SVEP1: variants seen among roughly 807,000 people sequenced by gnomAD.
SVEP1 encodes sushi, von Willebrand factor type A, EGF and pentraxin domain containing 1, also known as sushi, von Willebrand factor type A, EGF and pentraxin domain-containing protein 1.
In SVEP1, 164 loss-of-function variants were observed where a neutral mutation model predicts 367.3. That is an observed-to-expected ratio of 0.45 (90% confidence interval 0.39 to 0.51). SVEP1 has a LOEUF of 0.51. Among genes scored for constraint, SVEP1 ranks in the 20% least tolerant of loss-of-function variants. The probability of loss-of-function intolerance (pLI) is 0.00; values close to 1 mark genes in which losing one functional copy is unlikely to be tolerated. For missense variants in SVEP1, 4,117 were observed against 4,425.3 expected (o/e 0.93, Z 1.98); for synonymous variants, 1,666 against 1,611.6 (o/e 1.03, Z -0.81).
At chr9:110,484,646 G>A (rs1829248788) in intron 9 of SVEP1, among the ~76,000 whole-genome samples, 1 of 152,096 alleles carries the variant, frequency 6.6e-6, no homozygotes, top group Non-Finnish European at 1.5e-5. Flanking sequence ...TATTATCAGA[G>A]TGAACAGACA....
chr9:110,479,684 T>A lies in SVEP1; in HGVS notation c.2438A>T (p.Asp813Val). ...TGCTTCAGAAAACTTCTTCATCAGA[T>A]CTGTGTCATCACAACGAGCTGCTTT... ...FYKAARCDDTDLMKKFSEAFE... is the reference protein window; with the variant it reads ...FYKAARCDDTVLMKKFSEAFE... The change falls in exon 13 of 48, where the codon GAT becomes GTT. Residue 813 changes from aspartate (D) to valine (V), a missense_variant. Asp to Val is a radical substitution (Grantham distance 152). Coordinates refer to ENST00000374469, the MANE Select transcript of SVEP1 (RefSeq NM_153366.4). The A allele has an allele frequency of 1.2e-6, 2 of 1,611,324 alleles. No individual in the cohort carries two copies. The highest frequency in any genetic ancestry group is 1.7e-6 in the Non-Finnish European group (2 of 1,179,050).
chr9:110,402,524 C>CA (rs1827879882), intron 39 of SVEP1, among the ~76,000 whole-genome samples: 4 of 150,664 alleles, frequency 2.7e-5, no homozygotes. Flanking sequence ...CCCAGTTGAG[C>CA]AAAAAAGGGG....
chr9:110,512,105 T>A (rs1390163352), intron 5 of SVEP1, among the ~76,000 whole-genome samples: 1 of 152,170 alleles, frequency 6.6e-6, no homozygotes, highest in East Asian at 1.9e-4. Context: ...ATATTATTTA[T>A]CAAAAATTCA....
chr9:110,432,399 G>T (rs1828363951), intron 31 of SVEP1, 63 bp downstream of exon 31: 2 of 1,526,116 alleles, frequency 1.3e-6, no homozygotes, highest in African/African-American at 1.4e-5. Context: ...TCAGGAATTT[G>T]GGATGACTGT....
intron 27 of SVEP1, among the ~76,000 whole-genome samples, chr9:110,441,716 G>T (rs1205344687): frequency 6.6e-6 from 1 of 152,174 alleles, no homozygotes; most frequent in African/African-American, 2.4e-5. Context: ...TTAGAGTTCA[G>T]ATATTAACTC....
intron 7 of SVEP1, among the ~76,000 whole-genome samples, chr9:110,498,646 G>A (rs1425148149): frequency 1.3e-5 from 2 of 152,086 alleles, no homozygotes; most frequent in Non-Finnish European, 1.5e-5. Context: ...GTCTGCTCTT[G>A]TTGCAGAGAA....
At chr9:110,456,319 A>G (rs759068010) in intron 21 of SVEP1, among the ~76,000 whole-genome samples, 3 of 152,222 alleles carry the variant, frequency 2.0e-5, no homozygotes, top group Non-Finnish European at 2.9e-5. Flanking sequence ...AGCCTTCCAG[A>G]TGATTCTGAT....
chr9:110,395,015 C>T (rs886692950), intron 40 of SVEP1, among the ~76,000 whole-genome samples: 1 of 152,168 alleles, frequency 6.6e-6, no homozygotes, highest in East Asian at 1.9e-4. Flanking sequence ...CACAAAGATA[C>T]TCCTTGAGAA....
Position 110,510,346 on chromosome 9 carries a change from A to G in SVEP1, c.1303+2580T>C, listed in dbSNP as rs532985474. Among the ~76,000 whole-genome samples, 3 of 152,330 alleles carry G rather than the reference A, an allele frequency of 2.0e-5. No individual in the cohort carries two copies. In the South Asian group the frequency reaches 6.2e-4, roughly 32 times the overall value. ...TTCCAAGCTCCTTCTAAAATTGTGT[A>G]AGCTCTATTCCCTGAAATAAATCCT... On this transcript the variant is annotated intron_variant, in intron 5 of 47. Coordinates refer to ENST00000374469, the MANE Select transcript of SVEP1 (RefSeq NM_153366.4).
intron 1 of SVEP1, among the ~76,000 whole-genome samples, chr9:110,575,772 G>C (rs1830621037): frequency 6.7e-6 from 1 of 149,080 alleles, no homozygotes; most frequent in Non-Finnish European, 1.5e-5. Context: ...GATTTAAAGA[G>C]CATTTGCAAA....
At chr9:110,515,890 G>A (rs547611722) in intron 3 of SVEP1, among the ~76,000 whole-genome samples, 11 of 151,982 alleles carry the variant, frequency 7.2e-5, no homozygotes, top group African/African-American at 2.7e-4. Flanking sequence ...AATACCTTAT[G>A]AAGCACCTAA....
At chr9:110,482,914 C>G (rs530113889) in intron 10 of SVEP1, among the ~76,000 whole-genome samples, 21 of 152,150 alleles carry the variant, frequency 1.4e-4, no homozygotes, top group African/African-American at 5.1e-4. Context: ...TTGCTTAGCC[C>G]ACTAGTAGAA....
chr9:110,562,654 C>T (rs10980447), intron 1 of SVEP1, among the ~76,000 whole-genome samples: 12,940 of 152,170 alleles, frequency 0.085, 805 homozygotes, highest in East Asian at 0.33. Context: ...TTATTAAATT[C>T]AAGAACAAGG....
chr9:110,441,740 T>G (rs1256410285), intron 27 of SVEP1, among the ~76,000 whole-genome samples: 2 of 152,214 alleles, frequency 1.3e-5, no homozygotes, highest in East Asian at 3.8e-4. Context: ...GTGCTGTCCC[T>G]GCACTGGGGA....
chr9:110,433,364 C>CA (rs10611877), intron 30 of SVEP1, among the ~76,000 whole-genome samples: 1,736 of 80,204 alleles, frequency 0.022, 23 homozygotes, highest in African/African-American at 0.049. Context: ...GTAGATAGGC[C>CA]AAAAAAAAAA....
At chr9:110,406,084 C>CAA in intron 38 of SVEP1, 76 bp downstream of exon 38, 1 of 1,490,782 alleles carries the variant, frequency 6.7e-7, no homozygotes, top group Non-Finnish European at 8.9e-7. Context: ...TCCCAATCAG[C>CAA]AAAATTTTTG....
intron 38 of SVEP1, 27 bp downstream of exon 38, chr9:110,406,133 T>C (rs1827950469): frequency 6.6e-7 from 1 of 1,521,542 alleles, no homozygotes; most frequent in Non-Finnish European, 8.8e-7. Flanking sequence ...CCCGCACCCC[T>C]TGGAGACCCT....
chr9:110,379,886 T>C (rs891782611), intron 43 of SVEP1, among the ~76,000 whole-genome samples: 1 of 152,216 alleles, frequency 6.6e-6, no homozygotes, highest in South Asian at 2.1e-4. Context: ...TGTAGTCTAC[T>C]GTTTCAGAGT....
At chr9:110,431,189 T>C (rs1828344569) in intron 32 of SVEP1, among the ~76,000 whole-genome samples, 1 of 152,184 alleles carries the variant, frequency 6.6e-6, no homozygotes, top group Non-Finnish European at 1.5e-5. Flanking sequence ...TTTTCCATAG[T>C]GAATATCACC....
Sources: allele counts gnomAD v4.1 joint callset (sites outside exome capture counted in the v4.1 genomes callset), GRCh38; gene constraint gnomAD v4.1.1; transcripts MANE v1.5; gene names NCBI Gene and HGNC (gene_info 2026-07-23, HGNC 2026-07-21).